Variants in CHORDC1 observed in about 807,000 individuals in gnomAD.
The protein encoded by CHORDC1 is cysteine and histidine rich domain containing 1, also known as cysteine and histidine-rich domain-containing protein 1.
In CHORDC1, 25 loss-of-function variants were observed where a neutral mutation model predicts 48.3. The observed-to-expected ratio is 0.52, with a 90% confidence interval of 0.38 to 0.72. The LOEUF is 0.72. Among genes scored for constraint, CHORDC1 ranks in the 30% least tolerant of loss-of-function variants. The pLI is 0.00. For missense variants in CHORDC1, 317 were observed against 388.7 expected (o/e 0.82, Z 1.55); for synonymous variants, 128 against 126.4 (o/e 1.01, Z -0.09).
intron 6 of CHORDC1, chr11:90,208,606 C>T (rs980150312): frequency 7.2e-5 from 11 of 151,890 alleles, no homozygotes; most frequent in South Asian, 2.1e-4. Flanking sequence ...ATGCAGAAGA[C>T]GACAAAAACA....
intron 10 of CHORDC1, 109 bp from the exon 11 acceptor site, chr11:90,202,660 C>T: frequency 7.1e-7 from 1 of 1,401,166 alleles, no homozygotes; most frequent in East Asian, 2.4e-5. Flanking sequence ...CTTCTAAAGG[C>T]CTCTTTTATA....
intron 4 of CHORDC1, 136 bp from the exon 5 acceptor site, chr11:90,211,454 G>A: frequency 4.8e-6 from 3 of 621,150 alleles, no homozygotes; most frequent in Non-Finnish European, 8.6e-6. Flanking sequence ...AAGGTTAAAA[G>A]GTATTTTATA....
At chr11:90,204,367 G>A (rs187210094) in intron 8 of CHORDC1, among the ~76,000 whole-genome samples, 348 of 152,160 alleles carry the variant, frequency 2.3e-3, no homozygotes, top group African/African-American at 7.9e-3. Context: ...TGATAGTTTT[G>A]TGGTAGATGA....
intron 5 of CHORDC1, 147 bp downstream of exon 5, chr11:90,211,068 T>A (rs1857847559): frequency 1.9e-6 from 1 of 521,964 alleles, no homozygotes; most frequent in Non-Finnish European, 3.4e-6. Context: ...TTGTAGTTTA[T>A]CATATCTGAC....
At chr11:90,211,584 C>A in intron 4 of CHORDC1, 1 of 286,404 alleles carries the variant, frequency 3.5e-6, no homozygotes. Flanking sequence ...GTTGCACTAA[C>A]GAGAAAGGAA....
At chr11:90,203,498 A>G in intron 8 of CHORDC1, 71 bp from the exon 9 acceptor site, 1 of 1,427,032 alleles carries the variant, frequency 7.0e-7, no homozygotes, top group Middle Eastern at 1.9e-4. Flanking sequence ...GAGGAATTTG[A>G]CCCATCTGAG....
Position 90,200,640 on chromosome 11 carries a change from A to G in CHORDC1, c.*1765T>C, listed in dbSNP as rs1183373285. On this transcript the variant is annotated 3_prime_UTR_variant, in exon 11 of 11. Coordinates refer to ENST00000320585, the MANE Select transcript of CHORDC1 (RefSeq NM_012124.3). ...TAACCAGACTAAATATAAAAGCTAC[A>G]TATGTATGTGTGTGTGTGTGTGTAT... is the stretch of plus-strand genomic sequence containing the variant. 7.1e-6 allele frequency among the ~76,000 whole-genome samples: 1 copy of G among 141,588 alleles called. No homozygotes were observed. The highest frequency in any genetic ancestry group is 1.6e-5 in the Non-Finnish European group (1 of 64,456). The allele number at this position is 141,588 out of a possible 152,430, so 92.9% of individuals were successfully genotyped here.
chr11:90,220,637 C>T (rs1858145797), intron 1 of CHORDC1, among the ~76,000 whole-genome samples: 1 of 152,092 alleles, frequency 6.6e-6, no homozygotes, highest in Admixed American at 6.5e-5. Context: ...AATTAGAAAG[C>T]CACTGCTTTC....
intron 6 of CHORDC1, chr11:90,206,714 C>T (rs1192142469): frequency 9.4e-7 from 1 of 1,063,884 alleles, no homozygotes; most frequent in East Asian, 5.9e-5. Context: ...ATGGTGATTT[C>T]TTATCCCTAT....
intron 4 of CHORDC1, 105 bp from the exon 5 acceptor site, chr11:90,211,423 G>T (rs1008612012): frequency 1.4e-5 from 10 of 718,992 alleles, no homozygotes; most frequent in East Asian, 5.3e-5. Context: ...AATGCTTTGT[G>T]TATCAAATGA....
intron 4 of CHORDC1, chr11:90,212,180 T>C (rs2135043999): frequency 6.6e-6 from 1 of 152,282 alleles, no homozygotes; most frequent in South Asian, 2.1e-4. Flanking sequence ...CATCTTGAAT[T>C]CTAGCTCCCC....
chr11:90,208,640 T>C (rs1857772458), intron 6 of CHORDC1: 1 of 152,176 alleles, frequency 6.6e-6, no homozygotes, highest in Non-Finnish European at 1.5e-5. Flanking sequence ...TGGTTATTTT[T>C]ACATTAAACT....
In CHORDC1 at chr11:90,200,450, A is replaced by C. The variant is rs115562269; in HGVS notation, c.*1955T>G. 4.2e-3 allele frequency among the ~76,000 whole-genome samples: 641 copies of C among 152,108 alleles called. 2 individuals carry two copies. The highest frequency in any genetic ancestry group is 0.015 in the African/African-American group (613 of 41,546). ...CAAATTTCTAGAGAAATAAATCAAT[A>C]AGCACTTTTTATTAACTTTTTTGAC... On this transcript the variant is annotated 3_prime_UTR_variant, in exon 11 of 11. Coordinates refer to ENST00000320585, the MANE Select transcript of CHORDC1 (RefSeq NM_012124.3).
Position 90,214,947 on chromosome 11 carries a change from A to C in CHORDC1, c.171+227T>G, listed in dbSNP as rs548175120. 3.3e-5 allele frequency among the ~76,000 whole-genome samples: 5 copies of C among 152,184 alleles called. No homozygotes were observed. The South Asian group carries it at 1.0e-3, about 32-fold the overall frequency. ...GTTCTTTCAACATAACAGAAAGAAC[A>C]AACCTAAAATGATAAGCAGGTAACT... is the stretch of plus-strand genomic sequence containing the variant. On this transcript the variant is annotated intron_variant, in intron 3 of 10. Transcript: ENST00000320585.
At position 90,200,590 on chromosome 11, in the gene CHORDC1, A is replaced by G. The variant is rs370728461; in HGVS notation, c.*1815T>C. 6.6e-6 allele frequency among the ~76,000 whole-genome samples: 1 copy of G among 152,012 alleles called. No individual in the cohort carries two copies. The highest frequency in any genetic ancestry group is 1.5e-5 in the Non-Finnish European group (1 of 67,884). On this transcript the variant is annotated 3_prime_UTR_variant, in exon 11 of 11. Coordinates refer to ENST00000320585, the MANE Select transcript of CHORDC1 (RefSeq NM_012124.3). ...AGAAATTCAAAGGCTCCTTAAGAAG[A>G]AAGTAAATACCATGGTCACTAATGT...
intron 2 of CHORDC1, chr11:90,217,833 G>A (rs539818870): frequency 4.1e-5 from 7 of 171,140 alleles, no homozygotes; most frequent in South Asian, 1.8e-4. Context: ...GGAGGCGGAC[G>A]TTGCAGTGAG....
At chr11:90,208,519 A>AT (rs1857769125) in intron 6 of CHORDC1, 1 of 152,218 alleles carries the variant, frequency 6.6e-6, no homozygotes. Flanking sequence ...GCACATTCAA[A>AT]TAATGACATA....
At chr11:90,219,556 C>G (rs1452866700) in intron 1 of CHORDC1, among the ~76,000 whole-genome samples, 1 of 152,188 alleles carries the variant, frequency 6.6e-6, no homozygotes, top group East Asian at 1.9e-4. Flanking sequence ...ACTGTCCCAC[C>G]CAGGGCGGAA....
At chr11:90,222,849 T>G (rs543980272) in intron 1 of CHORDC1, 42 bp downstream of exon 1, 21 of 1,562,494 alleles carry the variant, frequency 1.3e-5, no homozygotes, top group African/African-American at 5.4e-5. Context: ...CCCCTGCTGA[T>G]GAGGTGGAGG....
Sources: allele counts gnomAD v4.1 joint callset (sites outside exome capture counted in the v4.1 genomes callset), GRCh38; gene constraint gnomAD v4.1.1; transcripts MANE v1.5; gene names NCBI Gene and HGNC (gene_info 2026-07-23, HGNC 2026-07-21).